Variants in HAVCR1 observed in about 807,000 individuals in gnomAD.
HAVCR1 encodes hepatitis A virus cellular receptor 1.
A neutral mutation model predicts 32.0 loss-of-function variants in HAVCR1; 34 were observed. The ratio of observed to expected loss-of-function variants is 1.06; its 90% CI spans 0.81 to 1.42. HAVCR1 has a LOEUF of 1.42. Among genes scored for constraint, HAVCR1 ranks in the 40% most tolerant of loss-of-function variants. The pLI is 0.00. For synonymous variants in HAVCR1, 178 were observed against 170.3 expected (o/e 1.05, Z -0.35); for missense variants, 420 against 442.3 (o/e 0.95, Z 0.45).
intron 2 of HAVCR1, among the ~76,000 whole-genome samples, chr5:157,057,386 G>GA (rs1491314357): frequency 3.7e-4 from 29 of 79,442 alleles, no homozygotes; most frequent in African/African-American, 1.6e-3. Flanking sequence ...GAGAGAGAGA[G>GA]GAAAGAAAGA....
In HAVCR1 at chr5:157,037,235, G is replaced by A. The variant is rs41297583; in HGVS notation, c.952+12C>T. ...TCCCTTGTCCCTTAGGAACAATCTC[G>A]AAATGACTTACTTTTGGCAATGATG... On this transcript the variant is annotated intron_variant, in intron 7 of 8. Transcript: ENST00000523175. The A allele has an allele frequency of 8.5e-3, 11,632 of 1,373,548 alleles. 406 individuals carry two copies. In the African/African-American group the frequency reaches 0.088, roughly 10 times the overall value. The allele number at this position is 1,373,548 out of a possible 1,614,324, so 85.1% of individuals were successfully genotyped here.
At position 157,044,586 on chromosome 5, in the gene HAVCR1, G is replaced by GGAAAGAAAGAAAGAAAGAAAGAAA. The variant is rs72157678; in HGVS notation, c.782-1928_782-1905dup. On this transcript the variant is annotated intron_variant, in intron 5 of 8. Coordinates refer to ENST00000523175, the MANE Select transcript of HAVCR1 (RefSeq NM_001173393.3). ...GAGAGAAAGAAAGACAAAGAAAGAA[G>GGAAAGAAAGAAAGAAAGAAAGAAA]GAAAGAAAGAAAGAAAGAAAGAAAG... Among the ~76,000 whole-genome samples the GGAAAGAAAGAAAGAAAGAAAGAAA allele has an allele frequency of 1.4e-3, 78 of 56,392 alleles. 4 individuals carry two copies. The highest frequency in any genetic ancestry group is 5.6e-3 in the South Asian group (6 of 1,066). 37.0% of individuals were successfully genotyped at this position (56,392 alleles called of 152,430 possible).
rs34349132 is a variant in HAVCR1, at chr5:157,059,053, T to C, written c.-145A>G. The C allele has an allele frequency of 6.7e-3, 1,018 of 152,298 alleles. 6 individuals are homozygous for C. The highest frequency in any genetic ancestry group is 0.011 in the Non-Finnish European group (719 of 68,044). 9.4% of individuals were successfully genotyped at this position (152,298 alleles called of 1,614,324 possible). A position where few individuals can be genotyped will look rare whatever the true frequency, so the allele number is the denominator to read the frequency against. ...CTCTATCTCCCACCAAGGATTGATA[T>C]AATAAGCAAAAAGGGCCACGGAAGA... On this transcript the variant is annotated 5_prime_UTR_variant, in exon 1 of 9. Coordinates refer to ENST00000523175, the MANE Select transcript of HAVCR1 (RefSeq NM_001173393.3).
At chr5:157,059,419 T>TAC (rs760233703), upstream of HAVCR1, among the ~76,000 whole-genome samples, 4 of 152,182 alleles carry the variant, frequency 2.6e-5, no homozygotes, top group Non-Finnish European at 4.4e-5. Context: ...CTCGTGCCTG[T>TAC]AACCCCAGCA....
At chr5:157,044,431 GAAA>G (rs1755136342) in intron 5 of HAVCR1, among the ~76,000 whole-genome samples, 1 of 24,488 alleles carries the variant, frequency 4.1e-5, no homozygotes, top group African/African-American at 2.2e-4. Flanking sequence ...GAGAAAGAAA[GAAA>G]GAAAGAAAGA....
chr5:157,059,301 G>C (rs1195377682), upstream of HAVCR1, among the ~76,000 whole-genome samples: 1 of 152,198 alleles, frequency 6.6e-6, no homozygotes, highest in East Asian at 1.9e-4. Flanking sequence ...AGGCAGTGGT[G>C]GTCTGTATCT....
Position 157,032,862 on chromosome 5 carries a change from T to C in HAVCR1, c.978A>G (p.Gln326=). 6.3e-7 allele frequency: 1 copy of C among 1,575,668 alleles called. No homozygotes were observed. The highest frequency in any genetic ancestry group is 8.7e-7 in the Non-Finnish European group (1 of 1,149,332). ...AKKYFFKKEV[Q]QLSVSFSSLQ... is the part of the protein sequence containing the mutation. ...AATATTTTCGAGCTTACCTTAGTTG[T>C]TGAACCTCCTTTTTGAAGAAATACT... Residue 326 remains glutamine (Q), a synonymous_variant, in exon 8 of 9, where the codon CAA becomes CAG. Coordinates refer to ENST00000523175, the MANE Select transcript of HAVCR1 (RefSeq NM_001173393.3).
chr5:157,064,087 C>T (rs150130183), upstream of HAVCR1, among the ~76,000 whole-genome samples: 267 of 152,290 alleles, frequency 1.8e-3, 2 homozygotes, highest in East Asian at 7.7e-4. Context: ...CATAGGGTGA[C>T]AGTATCTAAC....
chr5:157,032,300 C>T (rs568844928), intron 8 of HAVCR1, among the ~76,000 whole-genome samples: 79 of 152,226 alleles, frequency 5.2e-4, no homozygotes, highest in Middle Eastern at 6.8e-3. Flanking sequence ...AGGCAGATCA[C>T]CGGAGGTCAG....
intron 8 of HAVCR1, 132 bp from the exon 9 acceptor site, chr5:157,029,973 A>T (rs1253837083): frequency 1.5e-6 from 1 of 652,330 alleles, no homozygotes; most frequent in Non-Finnish European, 2.6e-6. Context: ...GTTCACACAA[A>T]GTATAAAATA....
rs538550098 is a variant in HAVCR1, at chr5:157,035,250, C to T, written c.952+1997G>A. On this transcript the variant is annotated intron_variant, in intron 7 of 8. Transcript: ENST00000523175. ...TGAACTTCCCTGCAAGGTATTTTAC[C>T]CAATTTCTAAATAACTTTGACTAAG... is the stretch of plus-strand genomic sequence containing the variant. 3.9e-5 allele frequency among the ~76,000 whole-genome samples: 6 copies of T among 152,080 alleles called. No homozygotes were observed. The South Asian group carries it at 1.2e-3, about 32-fold the overall frequency.
At chr5:157,054,190 C>CAAAAA (rs900551230) in intron 3 of HAVCR1, among the ~76,000 whole-genome samples, 5 of 42,154 alleles carry the variant, frequency 1.2e-4, no homozygotes, top group Non-Finnish European at 1.9e-4. Context: ...GACTCCATCT[C>CAAAAA]AAAAAAAAAA....
intron 6 of HAVCR1, among the ~76,000 whole-genome samples, chr5:157,041,839 G>A (rs1300141914): frequency 3.9e-5 from 6 of 152,168 alleles, no homozygotes; most frequent in Non-Finnish European, 8.8e-5. Flanking sequence ...CGGGTAGATT[G>A]CCTGAGGTCA....
upstream of HAVCR1, among the ~76,000 whole-genome samples, chr5:157,059,503 C>T (rs956362333): frequency 1.3e-5 from 2 of 152,006 alleles, no homozygotes; most frequent in South Asian, 2.1e-4. Flanking sequence ...GGTGAAACCC[C>T]GACTCTACTA....
At chr5:157,043,574 T>A (rs1755049061) in intron 5 of HAVCR1, among the ~76,000 whole-genome samples, 1 of 152,108 alleles carries the variant, frequency 6.6e-6, no homozygotes, top group African/African-American at 2.4e-5. Flanking sequence ...ATGGCTGAGG[T>A]AGGAGAATCC....
intron 6 of HAVCR1, among the ~76,000 whole-genome samples, chr5:157,037,949 G>T (rs1287672339): frequency 6.6e-6 from 1 of 152,078 alleles, no homozygotes; most frequent in Non-Finnish European, 1.5e-5. Flanking sequence ...GGAGGTTGCA[G>T]TGAGCCAAGA....
intron 6 of HAVCR1, 152 bp from the exon 7 acceptor site, chr5:157,037,513 A>T: frequency 3.5e-6 from 2 of 567,696 alleles, no homozygotes; most frequent in Non-Finnish European, 6.3e-6. Context: ...CTCAGTTTAT[A>T]ACCATACGGT....
chr5:157,042,270 G>A (rs534270454), intron 6 of HAVCR1, among the ~76,000 whole-genome samples: 39 of 149,838 alleles, frequency 2.6e-4, no homozygotes, highest in African/African-American at 9.3e-4. Flanking sequence ...GTGAAACCCC[G>A]TCTCTACTAA....
intron 5 of HAVCR1, among the ~76,000 whole-genome samples, chr5:157,044,855 C>T (rs1403202331): frequency 3.3e-5 from 5 of 151,988 alleles, no homozygotes; most frequent in African/African-American, 1.2e-4. Flanking sequence ...AATAAAATTT[C>T]AGTTCAATGC....
Sources: gnomAD v4.1 joint callset for allele counts (sites outside exome capture counted in the v4.1 genomes callset) on GRCh38, gnomAD v4.1.1 for gene constraint, MANE v1.5 for transcripts, NCBI Gene and HGNC (gene_info 2026-07-23, HGNC 2026-07-21) for gene names.